The following MANBAL variants were observed in gnomAD, a reference collection of about 807,000 sequenced individuals.
The protein encoded by MANBAL is mannosidase beta like, also known as protein MANBAL.
Under a neutral mutation model 6.4 loss-of-function variants are expected in MANBAL, and 1 was observed. The ratio of observed to expected loss-of-function variants is 0.16; its 90% CI spans 0.06 to 0.74. The LOEUF (loss-of-function observed/expected upper bound fraction) is 0.74, where lower values mean the gene tolerates loss of function less well. Among genes scored for constraint, MANBAL ranks in the 30% least tolerant of loss-of-function variants. MANBAL has a pLI of 0.78. For missense variants in MANBAL, 100 were observed against 107.8 expected, an observed-to-expected ratio of 0.93 and a Z score of 0.32; for synonymous variants, 47 against 45.8, an observed-to-expected ratio of 1.03 and a Z score of -0.10.
Position 37,316,534 on chromosome 20 carries a change from T to C in MANBAL, c.*119T>C, listed in dbSNP as rs11537904. The C allele has an allele frequency of 5.8e-4, 452 of 784,316 alleles. 1 individual carries two copies. Among genetic ancestry groups the C allele is most frequent in the Middle Eastern group, 9.6e-4 (4 of 4,180 alleles). The allele number at this position is 784,316 out of a possible 1,614,324, so 48.6% of individuals were successfully genotyped here. On this transcript the variant is annotated 3_prime_UTR_variant, in exon 3 of 3. Transcript: ENST00000373606. ...AGGGTCTGAGGAGGCTGTGACGCCCTATGACCGCAGAGATCTAGACAGTCG... is the reference window on the plus strand; with the variant it reads ...AGGGTCTGAGGAGGCTGTGACGCCCCATGACCGCAGAGATCTAGACAGTCG...
At chr20:37,315,724 C>G (rs2069497201) in intron 2 of MANBAL, among the ~76,000 whole-genome samples, 1 of 152,242 alleles carries the variant, frequency 6.6e-6, no homozygotes, top group Non-Finnish European at 1.5e-5. Context: ...CAGTGTGGGA[C>G]TGCCCACCTG....
At chr20:37,308,334 T>C (rs968566931) in intron 2 of MANBAL, among the ~76,000 whole-genome samples, 12 of 152,006 alleles carry the variant, frequency 7.9e-5, no homozygotes, top group Non-Finnish European at 1.6e-4. Flanking sequence ...GGCAGAGCAG[T>C]GGGCAGGAGA....
intron 1 of MANBAL, among the ~76,000 whole-genome samples, chr20:37,295,581 A>C (rs891551340): frequency 3.3e-5 from 5 of 152,188 alleles, no homozygotes; most frequent in Admixed American, 6.5e-5. Context: ...AACGATTGAC[A>C]TACTGGGTAA....
chr20:37,295,471 T>C (rs777060557), intron 1 of MANBAL, among the ~76,000 whole-genome samples: 3 of 152,240 alleles, frequency 2.0e-5, no homozygotes, highest in Non-Finnish European at 4.4e-5. Flanking sequence ...TCTATTGTTA[T>C]TTACCTACTT....
At chr20:37,300,997 T>A (rs376015551) in intron 1 of MANBAL, among the ~76,000 whole-genome samples, 2 of 151,828 alleles carry the variant, frequency 1.3e-5, no homozygotes, top group African/African-American at 4.8e-5. Context: ...ACAAAAATCA[T>A]CCAGGTGTGT....
intron 2 of MANBAL, chr20:37,302,214 T>C (rs2069154498): frequency 1.3e-6 from 2 of 1,549,586 alleles, no homozygotes. Flanking sequence ...ATCCCAGGAA[T>C]TGGCTATTGC....
intron 2 of MANBAL, among the ~76,000 whole-genome samples, chr20:37,312,896 A>G (rs2069419909): frequency 6.6e-6 from 1 of 152,230 alleles, no homozygotes; most frequent in South Asian, 2.1e-4. Flanking sequence ...ATCCTCTGTG[A>G]TCATGGAAAA....
intron 2 of MANBAL, among the ~76,000 whole-genome samples, chr20:37,311,777 G>A (rs1431133030): frequency 6.6e-6 from 1 of 152,202 alleles, no homozygotes; most frequent in Admixed American, 6.5e-5. Flanking sequence ...GTGAGCCACC[G>A]CGCCCGGCCT....
Position 37,313,699 on chromosome 20 carries a change from T to C in MANBAL, c.151-2609T>C, listed in dbSNP as rs2103700. 7.4e-3 allele frequency among the ~76,000 whole-genome samples: 1,132 copies of C among 152,256 alleles called. 15 individuals are homozygous for C. The highest frequency in any genetic ancestry group is 0.025 in the African/African-American group (1,025 of 41,546). On this transcript the variant is annotated intron_variant, in intron 2 of 2. Coordinates refer to ENST00000373606, the MANE Select transcript of MANBAL (RefSeq NM_001003897.2). ...CCAGCCTGGGCAAAAGAGTGAGACC[T>C]TGTCTTAAAAAGAATGGTGGCATTA...
At chr20:37,311,766 C>T (rs1014930996) in intron 2 of MANBAL, among the ~76,000 whole-genome samples, 3 of 151,842 alleles carry the variant, frequency 2.0e-5, no homozygotes, top group African/African-American at 2.4e-5. Flanking sequence ...GGATTACGGG[C>T]GTGAGCCACC....
intron 2 of MANBAL, among the ~76,000 whole-genome samples, chr20:37,309,152 GTCTC>G (rs199595566): frequency 6.6e-6 from 1 of 152,080 alleles, no homozygotes; most frequent in African/African-American, 2.4e-5. Context: ...GGCTTCATGT[GTCTC>G]TCTCTCTCCT....
At chr20:37,290,620 G>A (rs1196160802) in intron 1 of MANBAL, among the ~76,000 whole-genome samples, 2 of 152,012 alleles carry the variant, frequency 1.3e-5, no homozygotes, top group Non-Finnish European at 2.9e-5. Context: ...CACCACGCCC[G>A]GCTAATTTTT....
rs1484161815 is a variant in MANBAL, at chr20:37,301,465, G to C, written c.150+52G>C. 1.9e-6 allele frequency: 3 copies of C among 1,594,826 alleles called. No individual in the cohort carries two copies. In the East Asian group the frequency reaches 6.8e-5, roughly 36 times the overall value. ...TCCTCTGAGTGCCAGGCTGGGTTCTGAGTACTAACAGTAGGTGCCACCACA... is the reference window on the plus strand; with the variant it reads ...TCCTCTGAGTGCCAGGCTGGGTTCTCAGTACTAACAGTAGGTGCCACCACA... On this transcript the variant is annotated intron_variant, in intron 2 of 2. Transcript: ENST00000373606.
At chr20:37,296,881 G>T (rs2069009135) in intron 1 of MANBAL, 2 of 152,150 alleles carry the variant, frequency 1.3e-5, no homozygotes, top group South Asian at 4.1e-4. Context: ...GCTACTTGCA[G>T]ATAGAGCAGG....
At chr20:37,295,285 T>G (rs545796632) in intron 1 of MANBAL, among the ~76,000 whole-genome samples, 1 of 152,344 alleles carries the variant, frequency 6.6e-6, no homozygotes, top group South Asian at 2.1e-4. Context: ...ATCCTTGCTG[T>G]TCAAGAGATT....
At chr20:37,303,649 C>CG (rs1404663727) in intron 2 of MANBAL, among the ~76,000 whole-genome samples, 1 of 152,142 alleles carries the variant, frequency 6.6e-6, no homozygotes, top group Non-Finnish European at 1.5e-5. Context: ...CCAGGTATGG[C>CG]GGCACAGGGA....
chr20:37,304,659 T>C (rs1459410271), intron 2 of MANBAL, among the ~76,000 whole-genome samples: 1 of 152,170 alleles, frequency 6.6e-6, no homozygotes, highest in Non-Finnish European at 1.5e-5. Context: ...GCTGCTTCTG[T>C]AGCTGGGAGG....
chr20:37,289,808 C>T (rs557669915), intron 1 of MANBAL, 122 bp downstream of exon 1: 2 of 152,372 alleles, frequency 1.3e-5, no homozygotes, highest in African/African-American at 2.4e-5. Context: ...GCTGTCGCTC[C>T]GCTCAGGGCC....
In MANBAL at chr20:37,300,190, C is replaced by T. The variant is rs140985700; in HGVS notation, c.-56-1018C>T. On this transcript the variant is annotated intron_variant, in intron 1 of 2. Coordinates refer to ENST00000373606, the MANE Select transcript of MANBAL (RefSeq NM_001003897.2). ...CAATCAAATTGGAGGTATCAGGGTC[C>T]GCCCCCACTCCTCTCTGATCATACC... Among the ~76,000 whole-genome samples the T allele has an allele frequency of 3.8e-3, 582 of 152,250 alleles. 5 individuals are homozygous for T. The highest frequency in any genetic ancestry group is 0.012 in the African/African-American group (509 of 41,532).
Sources: allele counts gnomAD v4.1 joint callset (sites outside exome capture counted in the v4.1 genomes callset), GRCh38; gene constraint gnomAD v4.1.1; transcripts MANE v1.5; gene names NCBI Gene and HGNC (gene_info 2026-07-23, HGNC 2026-07-21).